RANBP2: variants seen among roughly 807,000 people sequenced by gnomAD.
The protein encoded by RANBP2 is RAN binding protein 2.
RANBP2 carries 57 observed loss-of-function variants against 303.6 expected under a neutral mutation model. That is an observed-to-expected ratio of 0.19 (90% CI 0.15 to 0.23). The LOEUF (loss-of-function observed/expected upper bound fraction) is 0.23. Ranked by LOEUF, RANBP2 falls within the 10% of genes least tolerant of loss-of-function variation. The probability of loss-of-function intolerance (pLI) is 1.00; values close to 1 mark genes in which losing one functional copy is unlikely to be tolerated. For missense variants in RANBP2, 3,138 were observed against 3,780.8 expected (o/e 0.83, Z 4.46); for synonymous variants, 1,167 against 1,301.5 (o/e 0.90, Z 2.23).
chr2:109,362,748 T>C, the RANBP2 span, among the ~76,000 whole-genome samples: 4 of 152,230 alleles, frequency 2.6e-5, no homozygotes, highest in African/African-American at 9.6e-5. Context: ...ATTTTGACAC[T>C]GTTGTTAGGT....
chr2:109,651,212 T>G, the RANBP2 span, among the ~76,000 whole-genome samples: 5 of 152,270 alleles, frequency 3.3e-5, no homozygotes, highest in African/African-American at 1.2e-4. Flanking sequence ...TTTCCACCCC[T>G]TGATTCCTGG....
the RANBP2 span, among the ~76,000 whole-genome samples, chr2:109,657,195 A>G: frequency 1.6e-4 from 24 of 152,228 alleles, no homozygotes; most frequent in South Asian, 5.0e-3. Context: ...AACATGCCAG[A>G]CACACTTTGG....
the RANBP2 span, among the ~76,000 whole-genome samples, chr2:109,065,312 G>A: frequency 6.6e-6 from 1 of 152,014 alleles, no homozygotes; most frequent in African/African-American, 2.4e-5. Context: ...TTGCTTGCTT[G>A]CTGTAAATCT....
chr2:108,756,482 G>A (rs564784691), intron 17 of RANBP2, among the ~76,000 whole-genome samples: 2 of 152,200 alleles, frequency 1.3e-5, no homozygotes, highest in South Asian at 2.1e-4. Context: ...GATGTGTGGC[G>A]ATTATTACAG....
the RANBP2 span, among the ~76,000 whole-genome samples, chr2:108,988,265 C>T: frequency 6.6e-6 from 1 of 152,248 alleles, no homozygotes; most frequent in African/African-American, 2.4e-5. Context: ...CCTGAGCTGA[C>T]ATCTCAAAGC....
the RANBP2 span, among the ~76,000 whole-genome samples, chr2:109,444,119 T>C: frequency 2.0e-5 from 3 of 152,170 alleles, no homozygotes; most frequent in East Asian, 3.8e-4. Context: ...TACTCAAATA[T>C]TTGAAAACTA....
the RANBP2 span, among the ~76,000 whole-genome samples, chr2:109,384,658 C>A: frequency 6.6e-6 from 1 of 152,216 alleles, no homozygotes; most frequent in Non-Finnish European, 1.5e-5. Context: ...TCCATAGACT[C>A]CTCCTGACCA....
the RANBP2 span, among the ~76,000 whole-genome samples, chr2:109,015,118 C>CAAAA: frequency 2.0e-3 from 136 of 68,804 alleles, 5 homozygotes; most frequent in East Asian, 5.3e-3. Context: ...GACTCCATCT[C>CAAAA]AAAAAAAAAA....
chr2:109,636,353 A>T, the RANBP2 span, among the ~76,000 whole-genome samples: 1 of 152,156 alleles, frequency 6.6e-6, no homozygotes, highest in African/African-American at 2.4e-5. Context: ...GATAGGATAC[A>T]CATTACTTCT....
chr2:108,846,361 A>G, the RANBP2 span, among the ~76,000 whole-genome samples: 3 of 152,174 alleles, frequency 2.0e-5, no homozygotes, highest in East Asian at 3.8e-4. Context: ...TACTTTTAAT[A>G]CATATATTTG....
chr2:109,404,083 G>A, the RANBP2 span, among the ~76,000 whole-genome samples: 6 of 152,296 alleles, frequency 3.9e-5, no homozygotes, highest in African/African-American at 1.4e-4. Context: ...TCTCTGGCTT[G>A]GTGCTGTGCT....
At chr2:109,031,621 C>A in the RANBP2 span, among the ~76,000 whole-genome samples, 2 of 152,168 alleles carry the variant, frequency 1.3e-5, no homozygotes, top group African/African-American at 4.8e-5. Flanking sequence ...CTGCTGTGTG[C>A]ACCCCCTGCA....
At chr2:109,461,084 T>C in the RANBP2 span, among the ~76,000 whole-genome samples, 722 of 152,312 alleles carry the variant, frequency 4.7e-3, 4 homozygotes, top group African/African-American at 0.017. Flanking sequence ...GTGGTGACCA[T>C]AGGCATTTTA....
chr2:109,172,017 C>T, the RANBP2 span, among the ~76,000 whole-genome samples: 1 of 152,218 alleles, frequency 6.6e-6, no homozygotes, highest in Non-Finnish European at 1.5e-5. Context: ...AAAGGCAGGG[C>T]CCAGCACTGT....
At chr2:108,928,121 C>T in the RANBP2 span, among the ~76,000 whole-genome samples, 2 of 152,264 alleles carry the variant, frequency 1.3e-5, no homozygotes, top group Admixed American at 6.5e-5. Context: ...TCCATCTGCT[C>T]CCTGCCCTCC....
At chr2:109,538,980 G>C in the RANBP2 span, among the ~76,000 whole-genome samples, 200 of 152,302 alleles carry the variant, frequency 1.3e-3, no homozygotes, top group African/African-American at 4.6e-3. Context: ...GAAGAAAACA[G>C]GTTTGCTGAG....
At chr2:109,662,458 T>C in the RANBP2 span, among the ~76,000 whole-genome samples, 1 of 152,142 alleles carries the variant, frequency 6.6e-6, no homozygotes, top group South Asian at 2.1e-4. Context: ...GGCTAATTTT[T>C]GTATTTTTAG....
chr2:108,723,687 A>G (rs1438890199), intron 1 of RANBP2, among the ~76,000 whole-genome samples: 1 of 152,208 alleles, frequency 6.6e-6, no homozygotes, highest in Non-Finnish European at 1.5e-5. Flanking sequence ...TTAAATGAAT[A>G]TTTAACATTT....
the RANBP2 span, among the ~76,000 whole-genome samples, chr2:109,353,154 G>A: frequency 6.6e-6 from 1 of 152,170 alleles, no homozygotes; most frequent in Non-Finnish European, 1.5e-5. Context: ...TGCCCACAAG[G>A]CCCCACCTCA....
Sources: gnomAD v4.1 joint callset for allele counts (sites outside exome capture counted in the v4.1 genomes callset) on GRCh38, gnomAD v4.1.1 for gene constraint, MANE v1.5 for transcripts, NCBI Gene and HGNC (gene_info 2026-07-23, HGNC 2026-07-21) for gene names.